Variants in CACNA1C observed in about 807,000 individuals in gnomAD.
The protein encoded by CACNA1C is calcium voltage-gated channel subunit alpha1 C.
CACNA1C carries 30 observed loss-of-function variants against 229.0 expected under a neutral mutation model. The observed-to-expected ratio is 0.13, with a 90% CI of 0.10 to 0.18. The LOEUF (loss-of-function observed/expected upper bound fraction) is 0.18. CACNA1C is among the 10% of genes least tolerant of loss of function. CACNA1C has a pLI of 1.00. For synonymous variants in CACNA1C, 1,114 were observed against 1,132.5 expected, an observed-to-expected ratio of 0.98 and a Z score of 0.33; for missense variants, 1,658 against 2,845.0, an observed-to-expected ratio of 0.58 and a Z score of 9.49.
intron 3 of CACNA1C, among the ~76,000 whole-genome samples, chr12:2,376,324 G>A (rs748454986): frequency 5.9e-5 from 9 of 152,280 alleles, no homozygotes; most frequent in South Asian, 2.1e-4. Flanking sequence ...GAGGACAAGC[G>A]CCCATTCTTC....
chr12:2,026,329 T>C (rs983922509), intron 1 of CACNA1C, among the ~76,000 whole-genome samples: 52 of 152,262 alleles, frequency 3.4e-4, no homozygotes, highest in African/African-American at 1.3e-3. Context: ...GCCTTGAAAA[T>C]TCTTCGGGAG....
intron 3 of CACNA1C, among the ~76,000 whole-genome samples, chr12:2,382,064 AAGTCT>A (rs2098263643): frequency 6.6e-6 from 1 of 152,232 alleles, no homozygotes; most frequent in South Asian, 2.1e-4. Context: ...GGGGTTCATG[AAGTCT>A]ATAGATGGAA....
At position 2,245,572 on chromosome 12, in the gene CACNA1C, C is replaced by G. The variant is rs138199219; in HGVS notation, c.477+125142C>G. 5.9e-4 allele frequency among the ~76,000 whole-genome samples: 90 copies of G among 152,286 alleles called. No homozygotes were observed. The East Asian group carries it at 0.016, about 27-fold the overall frequency. On this transcript the variant is annotated intron_variant, in intron 3 of 46. Coordinates refer to ENST00000399655, the MANE Select transcript of CACNA1C (RefSeq NM_000719.7). ...CCCAAAGGCAGCAGTTATACTATTTCCTTTGTGTAAAAATATTTATCTTTA... is the reference window on the plus strand; with the variant it reads ...CCCAAAGGCAGCAGTTATACTATTTGCTTTGTGTAAAAATATTTATCTTTA...
intron 3 of CACNA1C, among the ~76,000 whole-genome samples, chr12:2,260,353 G>A (rs1464652251): frequency 6.6e-6 from 1 of 151,142 alleles, no homozygotes. Context: ...CCACGTGCCT[G>A]TAGTCCCAGC....
Position 2,674,521 on chromosome 12 carries a change from G to C in CACNA1C, c.4727-20G>C. ...CATCAGAGGCCCACCAAGGGGCTGA[G>C]GATCCTTTCCGCCCTGCAGGGAACC... On this transcript the variant is annotated intron_variant, in intron 38 of 46. Coordinates refer to ENST00000399655, the MANE Select transcript of CACNA1C (RefSeq NM_000719.7). 6.4e-7 allele frequency: 1 copy of C among 1,552,320 alleles called. No individual in the cohort carries two copies. Among genetic ancestry groups the C allele is most frequent in the Non-Finnish European group, 8.7e-7 (1 of 1,147,212 alleles).
intron 21 of CACNA1C, among the ~76,000 whole-genome samples, chr12:2,600,431 A>G (rs2071356348): frequency 6.6e-6 from 1 of 152,180 alleles, no homozygotes. Context: ...GGCTCTGCGG[A>G]CACTCTGCCC....
chr12:2,140,436 G>C (rs893960008), intron 3 of CACNA1C, among the ~76,000 whole-genome samples: 3 of 151,394 alleles, frequency 2.0e-5, no homozygotes, highest in African/African-American at 7.2e-5. Context: ...GTGAAGAAGA[G>C]AAGCTGTTCA....
Position 2,595,435 on chromosome 12 carries a change from C to T in CACNA1C, c.2664-439C>T, listed in dbSNP as rs900856550. On this transcript the variant is annotated intron_variant, in intron 19 of 46. Transcript: ENST00000399655. This position sits in a 1 kb window ranked among gnomAD's most constrained non-coding sequence, Gnocchi z 4.1. ...ATGGAAGTGAATTGCACATTTAAAG[C>T]TATTACACAGGAGCAGATCACCTAC... 1.3e-5 allele frequency among the ~76,000 whole-genome samples: 2 copies of T among 152,150 alleles called. No homozygotes were observed. Among genetic ancestry groups the T allele is most frequent in the African/African-American group, 4.8e-5 (2 of 41,440 alleles).
chr12:2,347,208 A>C (rs1000429707), intron 3 of CACNA1C, among the ~76,000 whole-genome samples: 6 of 152,166 alleles, frequency 3.9e-5, no homozygotes, highest in Non-Finnish European at 7.3e-5. Context: ...GAATGAACAA[A>C]TGCACCCTTT....
rs142382690 is a variant in CACNA1C, at chr12:2,532,945, T to G, written c.1391-16998T>G. Among the ~76,000 whole-genome samples the G allele has an allele frequency of 1.2e-4, 19 of 152,348 alleles. 1 individual carries two copies. In the East Asian group the frequency reaches 2.9e-3, roughly 23 times the overall value. On this transcript the variant is annotated intron_variant, in intron 9 of 46. Transcript: ENST00000399655. ...GCTTGTTGAAGACAGTGGTCCCTGT[T>G]CTCTGGATTTCAAAAACCATTTCTC...
chr12:2,517,961 C>G (rs1445725910), intron 9 of CACNA1C, among the ~76,000 whole-genome samples: 1 of 152,216 alleles, frequency 6.6e-6, no homozygotes, highest in East Asian at 1.9e-4. Flanking sequence ...CTAAAGCTTG[C>G]AGTTCAATAC....
intron 3 of CACNA1C, among the ~76,000 whole-genome samples, chr12:2,446,199 GTGGATGGATGGA>G (rs1173010543): frequency 7.3e-6 from 1 of 136,908 alleles, no homozygotes; most frequent in African/African-American, 2.8e-5. Context: ...AGGTGGGTGG[GTGGATGGATGGA>G]TGGATGGATG....
chr12:2,458,063 A>T (rs2099452664), intron 5 of CACNA1C, among the ~76,000 whole-genome samples: 1 of 152,210 alleles, frequency 6.6e-6, no homozygotes, highest in South Asian at 2.1e-4. Context: ...GAGGCTCCAG[A>T]GCACTTTAGC....
Position 2,535,558 on chromosome 12 carries a change from T to A in CACNA1C, c.1391-14385T>A, listed in dbSNP as rs1315357832. ...TATTAAAAAAAAAAAACAAAATAAT[T>A]AGCTGGGTGTGGTTGTGTGGGCCTG... On this transcript the variant is annotated intron_variant, in intron 9 of 46. Transcript: ENST00000399655. 2.0e-5 allele frequency among the ~76,000 whole-genome samples: 3 copies of A among 148,470 alleles called. No individual in the cohort carries two copies. In the South Asian group the frequency reaches 6.5e-4, roughly 32 times the overall value.
chr12:2,076,057 G>T (rs1182002767), intron 1 of CACNA1C, among the ~76,000 whole-genome samples: 1 of 152,144 alleles, frequency 6.6e-6, no homozygotes, highest in Non-Finnish European at 1.5e-5. Flanking sequence ...GATACATAGG[G>T]CCTATTTTAG....
At position 2,665,615 on chromosome 12, in the gene CACNA1C, A is replaced by G; in HGVS notation, c.4433A>G (p.Asn1478Ser). 6.2e-7 allele frequency: 1 copy of G among 1,613,856 alleles called. No individual in the cohort carries two copies. Among genetic ancestry groups the G allele is most frequent in the Non-Finnish European group, 8.5e-7 (1 of 1,179,798 alleles). ...INLFVAVIMDNFDYLTRDWSI... is the reference protein window; with the variant it reads ...INLFVAVIMDSFDYLTRDWSI... ...CTCTTTGTAGCTGTCATCATGGACAACTTTGACTACCTGACAAGGGACTGG... is the reference window on the plus strand; with the variant it reads ...CTCTTTGTAGCTGTCATCATGGACAGCTTTGACTACCTGACAAGGGACTGG... The change falls in exon 36 of 47, where the codon AAC becomes AGC. Residue 1478 changes from asparagine (N) to serine (S), a missense_variant. Asn to Ser is a conservative substitution (Grantham distance 46). Transcript: ENST00000399655. This position sits in a 1 kb window ranked among gnomAD's most constrained non-coding sequence, Gnocchi z 5.9.
Position 2,486,362 on chromosome 12 carries a change from G to A in CACNA1C, c.916+100G>A, listed in dbSNP as rs1597771107. 3 of 963,522 alleles carry A rather than the reference G, an allele frequency of 3.1e-6. No individual in the cohort carries two copies. Among genetic ancestry groups the A allele is most frequent in the Non-Finnish European group, 4.6e-6 (3 of 653,684 alleles). 59.7% of individuals were successfully genotyped at this position (963,522 alleles called of 1,614,324 possible). On this transcript the variant is annotated intron_variant, in intron 6 of 46. Transcript: ENST00000399655. This position sits in a 1 kb window ranked among gnomAD's most constrained non-coding sequence, Gnocchi z 4.9. ...CACCAACATGACCAGCAGAGCCCAG[G>A]GAAGGCCCCATTCATTCAGACACAC...
Position 2,017,250 on chromosome 12 carries a change from G to A in CACNA1C, c.139+46049G>A, listed in dbSNP as rs753867202. Among the ~76,000 whole-genome samples, 12 of 152,300 alleles carry A rather than the reference G, an allele frequency of 7.9e-5. No homozygotes were observed. The South Asian group carries it at 2.5e-3, about 32-fold the overall frequency. ...ATGCTAGGTAGCAGCGGAAACCCTG[G>A]CACACGGGTGGAAAAAGAGTAAGCA... On this transcript the variant is annotated intron_variant, in intron 1 of 46. Transcript: ENST00000682462.
At position 2,649,209 on chromosome 12, in the gene CACNA1C, C is replaced by T. The variant is rs747696708; in HGVS notation, c.3945+702C>T. Among the ~76,000 whole-genome samples, 2 of 152,190 alleles carry T rather than the reference C, an allele frequency of 1.3e-5. No homozygotes were observed. The highest frequency in any genetic ancestry group is 2.4e-5 in the African/African-American group (1 of 41,448). On this transcript the variant is annotated intron_variant, in intron 31 of 46. Transcript: ENST00000399655. The surrounding 1 kb of genome is among the most constrained non-coding windows in gnomAD (Gnocchi z 4.4). ...TCCTGTTGTAGGAGTCTCTGATTCG[C>T]GTTGGTTGAAGTGATAAAAGAGACG...
Sources: gnomAD v4.1 joint callset for allele counts (sites outside exome capture counted in the v4.1 genomes callset) on GRCh38, gnomAD v4.1.1 for gene constraint, Gnocchi (gnomAD v3.1) non-coding constraint, MANE v1.5 for transcripts, NCBI Gene and HGNC (gene_info 2026-07-23, HGNC 2026-07-21) for gene names.